Variants in AVEN observed in about 807,000 individuals in gnomAD.
The protein encoded by AVEN is cell death regulator Aven.
Under a neutral mutation model 38.1 loss-of-function variants are expected in AVEN, and 41 were observed. That is an observed-to-expected ratio of 1.08 (90% CI 0.84 to 1.40). The LOEUF (loss-of-function observed/expected upper bound fraction) is 1.40, where lower values mean the gene tolerates loss of function less well. AVEN is among the 40% of genes most tolerant of loss of function. The probability of loss-of-function intolerance (pLI) is 0.00; values close to 1 mark genes in which losing one functional copy is unlikely to be tolerated. For missense variants in AVEN, 605 were observed against 438.8 expected, an observed-to-expected ratio of 1.38 and a Z score of -3.38; for synonymous variants, 206 against 171.8, an observed-to-expected ratio of 1.20 and a Z score of -1.56.
intron 1 of AVEN, 28 bp downstream of exon 1, chr15:34,038,752 C>A: frequency 8.6e-7 from 1 of 1,156,554 alleles, no homozygotes; most frequent in South Asian, 4.1e-5. Flanking sequence ...TACACGCGGT[C>A]CCAGCCCCAC....
At chr15:33,860,529 C>T (rs1887797592) in intron 11 of AVEN, 3 of 927,536 alleles carry the variant, frequency 3.2e-6, no homozygotes, top group Non-Finnish European at 4.7e-6. Flanking sequence ...GTAGCTTCTT[C>T]CTTTATCATT....
chr15:34,033,980 T>C (rs942067028), intron 1 of AVEN, among the ~76,000 whole-genome samples: 1 of 151,900 alleles, frequency 6.6e-6, no homozygotes, highest in Non-Finnish European at 1.5e-5. Context: ...TAGAGAGGGG[T>C]TTCACCATTT....
chr15:34,051,757 T>C (rs1400046726), intron 5 of AVEN, among the ~76,000 whole-genome samples: 1 of 152,090 alleles, frequency 6.6e-6, no homozygotes, highest in Non-Finnish European at 1.5e-5. Context: ...GGATAAATCC[T>C]GAACACATAC....
chr15:33,863,838 T>TAGAATTTTGTTAACAATAAAATG (rs1889434419), downstream of AVEN, among the ~76,000 whole-genome samples: 1 of 152,220 alleles, frequency 6.6e-6, no homozygotes, highest in Admixed American at 6.5e-5. Flanking sequence ...ATTGTTTTAT[T>TAGAATTTTGTTAACAATAAAATG]AGAATTTTGT....
intron 5 of AVEN, among the ~76,000 whole-genome samples, chr15:34,046,343 G>GA (rs56286203): frequency 0.73 from 103,686 of 141,350 alleles, 38,526 homozygotes; most frequent in East Asian, 0.95. Context: ...AGTGAGGCAG[G>GA]AAAAAAAAAA....
intron 2 of AVEN, among the ~76,000 whole-genome samples, chr15:33,973,310 T>A (rs973379176): frequency 6.6e-6 from 1 of 152,222 alleles, no homozygotes; most frequent in African/African-American, 2.4e-5. Flanking sequence ...ATTTATAGAA[T>A]TTTTTGGTAC....
intron 2 of AVEN, among the ~76,000 whole-genome samples, chr15:33,907,993 G>A (rs934720894): frequency 6.6e-5 from 10 of 152,054 alleles, no homozygotes; most frequent in South Asian, 2.1e-4. Context: ...AAAGACAAAT[G>A]ACAATGCAGG....
chr15:33,868,248 G>A (rs1890778003), intron 4 of AVEN, among the ~76,000 whole-genome samples: 1 of 152,154 alleles, frequency 6.6e-6, no homozygotes, highest in South Asian at 2.1e-4. Flanking sequence ...AAGTGGCCAG[G>A]CGCAGTGGCT....
chr15:33,916,351 G>T (rs988505083), intron 2 of AVEN, among the ~76,000 whole-genome samples: 31 of 152,142 alleles, frequency 2.0e-4, no homozygotes, highest in Non-Finnish European at 8.8e-5. Flanking sequence ...CACATAACAG[G>T]ACTCTGTGCA....
chr15:33,876,553 CAG>C (rs1891240137), intron 2 of AVEN, among the ~76,000 whole-genome samples: 2 of 151,580 alleles, frequency 1.3e-5, no homozygotes, highest in African/African-American at 4.8e-5. Flanking sequence ...GCCTGGGTGA[CAG>C]AGTGAGACCC....
intron 2 of AVEN, among the ~76,000 whole-genome samples, chr15:33,950,047 A>G (rs530841551): frequency 6.6e-6 from 1 of 152,358 alleles, no homozygotes; most frequent in South Asian, 2.1e-4. Flanking sequence ...AAAGAAGGAA[A>G]GCCTGCTATT....
At position 33,982,953 on chromosome 15, in the gene AVEN, A is replaced by T. The variant is rs569019474; in HGVS notation, c.445+20079T>A. The stretch of plus-strand genomic sequence containing the variant: ...ACTGGGACATGCCTCCTTCCTACCC[A>T]TCAACTCCTGTTGGGATAATTTTTG... On this transcript the variant is annotated intron_variant, in intron 2 of 5. Coordinates refer to ENST00000306730, the MANE Select transcript of AVEN (RefSeq NM_020371.3). Among the ~76,000 whole-genome samples, 4 of 151,934 alleles carry T rather than the reference A, an allele frequency of 2.6e-5. 1 individual carries two copies. In the South Asian group the frequency reaches 8.4e-4, roughly 32 times the overall value.
chr15:33,986,399 G>A (rs930634425), intron 2 of AVEN, among the ~76,000 whole-genome samples: 8 of 152,054 alleles, frequency 5.3e-5, no homozygotes, highest in African/African-American at 9.6e-5. Flanking sequence ...GTAAGCCACC[G>A]CGCCCGGCCC....
At chr15:33,903,719 A>G (rs1233491138) in intron 2 of AVEN, among the ~76,000 whole-genome samples, 1 of 152,010 alleles carries the variant, frequency 6.6e-6, no homozygotes, top group Non-Finnish European at 1.5e-5. Context: ...CATGGTATAT[A>G]TAAAAGAACA....
downstream of AVEN, chr15:33,854,903 T>C (rs1237804448): frequency 1.9e-6 from 3 of 1,610,548 alleles, no homozygotes; most frequent in Admixed American, 5.0e-5. Flanking sequence ...TAACTCACAA[T>C]GGCAAACAGG....
chr15:33,961,619 C>T (rs539279760), intron 2 of AVEN, among the ~76,000 whole-genome samples: 90 of 151,542 alleles, frequency 5.9e-4, no homozygotes, highest in South Asian at 8.3e-4. Context: ...CGAGACCATT[C>T]TGGCTAACAC....
At chr15:33,973,824 T>C (rs1189678437) in intron 2 of AVEN, among the ~76,000 whole-genome samples, 1 of 152,246 alleles carries the variant, frequency 6.6e-6, no homozygotes, top group African/African-American at 2.4e-5. Context: ...TCAGGACTAG[T>C]TAATCAGCAG....
intron 2 of AVEN, among the ~76,000 whole-genome samples, chr15:33,949,198 C>T (rs1397671427): frequency 6.6e-6 from 1 of 151,552 alleles, no homozygotes; most frequent in Admixed American, 6.6e-5. Flanking sequence ...TAATTTTTTG[C>T]ATTTTTTTTA....
Position 34,007,151 on chromosome 15 carries a change from C to G in AVEN, c.268-3942G>C, listed in dbSNP as rs527839828. 3 of 592,970 alleles carry G rather than the reference C, an allele frequency of 5.1e-6. No individual in the cohort carries two copies. In the Admixed American group the frequency reaches 1.9e-4, roughly 38 times the overall value. 36.7% of individuals were successfully genotyped at this position (592,970 alleles called of 1,614,324 possible). A position where few individuals can be genotyped will look rare whatever the true frequency, so the allele number is the denominator to read the frequency against. Reference sequence around the variant, plus strand: ...AATCAAACTACTGCCGAGCTATTATCTTGTCCAATGACACACACACACAAA... The same window carrying G: ...AATCAAACTACTGCCGAGCTATTATGTTGTCCAATGACACACACACACAAA... On this transcript the variant is annotated intron_variant, in intron 1 of 5. Coordinates refer to ENST00000306730, the MANE Select transcript of AVEN (RefSeq NM_020371.3).
Sources: allele counts gnomAD v4.1 joint callset (sites outside exome capture counted in the v4.1 genomes callset), GRCh38; gene constraint gnomAD v4.1.1; transcripts MANE v1.5; gene names NCBI Gene and HGNC (gene_info 2026-07-23, HGNC 2026-07-21).